The following KLF8 variants were observed in gnomAD, a reference collection of about 807,000 sequenced individuals.
The protein encoded by KLF8 is KLF transcription factor 8.
In KLF8, 10 loss-of-function variants were observed where a neutral mutation model predicts 18.2. That is an observed-to-expected ratio of 0.55 (90% CI 0.34 to 0.93). The LOEUF (loss-of-function observed/expected upper bound fraction) is 0.93, where lower values mean the gene tolerates loss of function less well. Ranked by LOEUF, KLF8 falls within the 40% of genes least tolerant of loss-of-function variation. The pLI, the probability that KLF8 is intolerant of heterozygous loss-of-function variation, is 0.02. For missense variants in KLF8, 264 were observed against 277.9 expected (o/e 0.95, Z 0.36); for synonymous variants, 109 against 97.3 (o/e 1.12, Z -0.71).
At chrX:56,276,972 T>C (rs1280923889) in intron 5 of KLF8, among the ~76,000 whole-genome samples, 1 of 112,094 alleles carries the variant, frequency 8.9e-6, no homozygotes, top group Admixed American at 9.5e-5. Flanking sequence ...CATTTTCAAA[T>C]AGGCTGTCTT....
the KLF8 span, among the ~76,000 whole-genome samples, chrX:55,999,284 G>GCTTTTTTTTTTTTTTTTTTTT: frequency 5.7e-5 from 1 of 17,507 alleles, no homozygotes; most frequent in Non-Finnish European, 1.3e-4. Context: ...GATGCCTCCA[G>GCTTTTTTTTTTTTTTTTTTTT]ATTTTTTTTT....
chrX:56,166,629 T>C, the KLF8 span, among the ~76,000 whole-genome samples: 2 of 111,947 alleles, frequency 1.8e-5, no homozygotes, highest in Non-Finnish European at 3.8e-5. Flanking sequence ...GCATATAGTG[T>C]TATTCTGTAT....
the KLF8 span, among the ~76,000 whole-genome samples, chrX:56,224,781 C>G: frequency 9.0e-6 from 1 of 111,618 alleles, no homozygotes. Flanking sequence ...TACCCCAGAC[C>G]TGGTAATTTA....
the KLF8 span, among the ~76,000 whole-genome samples, chrX:55,964,142 A>T: frequency 3.6e-5 from 4 of 112,064 alleles, no homozygotes; most frequent in East Asian, 1.1e-3. Context: ...GAAAGTTTAT[A>T]GCACTAAACA....
the KLF8 span, among the ~76,000 whole-genome samples, chrX:56,174,203 G>A: frequency 8.9e-6 from 1 of 111,766 alleles, no homozygotes; most frequent in African/African-American, 3.2e-5. Context: ...TCCAGTTTTT[G>A]CCCATTCAGT....
the KLF8 span, among the ~76,000 whole-genome samples, chrX:56,192,390 A>G: frequency 8.9e-6 from 1 of 111,735 alleles, no homozygotes; most frequent in Non-Finnish European, 1.9e-5. Context: ...AATATATACT[A>G]CAAAAAGCAA....
At chrX:56,218,221 CA>C in the KLF8 span, among the ~76,000 whole-genome samples, 1 of 110,405 alleles carries the variant, frequency 9.1e-6, no homozygotes, top group Admixed American at 9.7e-5. Context: ...TCTGAAATAT[CA>C]GATAAAGTAT....
chrX:55,964,447 A>G, the KLF8 span, among the ~76,000 whole-genome samples: 2 of 111,152 alleles, frequency 1.8e-5, no homozygotes, highest in African/African-American at 6.6e-5. Context: ...TGTGATGGTG[A>G]GTGCCTGTAG....
At chrX:56,053,712 A>G in the KLF8 span, among the ~76,000 whole-genome samples, 1 of 109,842 alleles carries the variant, frequency 9.1e-6, no homozygotes, top group Non-Finnish European at 1.9e-5. Context: ...CAGAGATTCA[A>G]TTATTTCCTG....
chrX:56,025,502 C>T, the KLF8 span, among the ~76,000 whole-genome samples: 2 of 111,969 alleles, frequency 1.8e-5, no homozygotes, highest in Non-Finnish European at 3.8e-5. Flanking sequence ...TATTGACACA[C>T]ATTTGTACAT....
the KLF8 span, among the ~76,000 whole-genome samples, chrX:56,060,831 T>C: frequency 3.6e-5 from 4 of 111,909 alleles, no homozygotes; most frequent in Non-Finnish European, 7.5e-5. Flanking sequence ...TCTTGGGTTT[T>C]TTTGGTTGGT....
the KLF8 span, among the ~76,000 whole-genome samples, chrX:56,155,272 G>A: frequency 2.7e-5 from 3 of 111,642 alleles, no homozygotes; most frequent in African/African-American, 9.8e-5. Flanking sequence ...ATACTATTCA[G>A]CCATAAAAAA....
the KLF8 span, among the ~76,000 whole-genome samples, chrX:56,159,435 T>A: frequency 8.9e-6 from 1 of 112,814 alleles, no homozygotes; most frequent in Admixed American, 9.4e-5. Flanking sequence ...TCTTTTTCTA[T>A]TGATTGGAAT....
the KLF8 span, among the ~76,000 whole-genome samples, chrX:56,078,240 C>T: frequency 1.8e-5 from 2 of 111,739 alleles, no homozygotes; most frequent in Non-Finnish European, 3.8e-5. Context: ...GGGAATGCTT[C>T]CAGTTTTTGC....
chrX:55,983,648 T>C, the KLF8 span, among the ~76,000 whole-genome samples: 1 of 112,124 alleles, frequency 8.9e-6, no homozygotes, highest in African/African-American at 3.2e-5. Context: ...TAAATAGCTT[T>C]AATGGTACAA....
rs963995257 is a variant in KLF8 at position 56,289,117 on chromosome X, T to A, written c.*4623T>A. Among the ~76,000 whole-genome samples the A allele has an allele frequency of 2.7e-5, 3 of 112,498 alleles. No individual in the cohort carries two copies. The highest frequency in any genetic ancestry group is 5.6e-5 in the Non-Finnish European group (3 of 53,366). On this transcript the variant is annotated 3_prime_UTR_variant, in exon 6 of 6. Coordinates refer to ENST00000468660, the MANE Select transcript of KLF8 (RefSeq NM_007250.5). ...TTATTTATACAATACTTTATTTATA[T>A]CAGCATGGACTCATGGGTATTTATT...
the KLF8 span, among the ~76,000 whole-genome samples, chrX:55,929,358 G>A: frequency 8.9e-6 from 1 of 112,088 alleles, no homozygotes; most frequent in Non-Finnish European, 1.9e-5. Context: ...CTGTGTAGAA[G>A]CTCTTTCATT....
chrX:56,073,741 A>G, the KLF8 span, among the ~76,000 whole-genome samples: 1 of 95,627 alleles, frequency 1.0e-5, no homozygotes, highest in African/African-American at 3.4e-5. Flanking sequence ...ATGATGACTA[A>G]TGATGGCTTT....
the KLF8 span, among the ~76,000 whole-genome samples, chrX:56,030,553 G>A: frequency 2.7e-5 from 3 of 110,990 alleles, no homozygotes; most frequent in African/African-American, 9.8e-5. Context: ...ACAAAGGCAC[G>A]CCTTTCCATC....
Sources: allele counts gnomAD v4.1 joint callset (sites outside exome capture counted in the v4.1 genomes callset), GRCh38; gene constraint gnomAD v4.1.1; transcripts MANE v1.5; gene names NCBI Gene and HGNC (gene_info 2026-07-23, HGNC 2026-07-21).